ATRNL1: variants seen among roughly 807,000 people sequenced by gnomAD.
The protein encoded by ATRNL1 is attractin-like protein 1.
A neutral mutation model predicts 182.7 loss-of-function variants in ATRNL1; 95 were observed. The observed-to-expected ratio is 0.52, with a 90% CI of 0.44 to 0.62. ATRNL1 has a LOEUF of 0.62. Ranked by LOEUF, ATRNL1 falls within the 20% of genes least tolerant of loss-of-function variation. The pLI is 0.00. For synonymous variants in ATRNL1, 576 were observed against 568.3 expected (o/e 1.01, Z -0.19); for missense variants, 1,471 against 1,679.5 (o/e 0.88, Z 2.17).
intron 21 of ATRNL1, among the ~76,000 whole-genome samples, chr10:115,442,303 C>CTCTCTCTCTCTCTCTCTCTGTGTGTG (rs782157017): frequency 8.1e-6 from 1 of 123,766 alleles, no homozygotes. Flanking sequence ...CTCTCTCTCT[C>CTCTCTCTCTCTCTCTCTCTGTGTGTG]TGTGTGTATG....
At chr10:115,348,334 T>C (rs1250876704) in intron 19 of ATRNL1, among the ~76,000 whole-genome samples, 10 of 152,168 alleles carry the variant, frequency 6.6e-5, no homozygotes, top group African/African-American at 2.4e-4. Context: ...TAATTTATGT[T>C]GTAATGGTAA....
intron 18 of ATRNL1, among the ~76,000 whole-genome samples, chr10:115,322,101 G>C (rs1195362114): frequency 6.6e-6 from 1 of 151,906 alleles, no homozygotes; most frequent in Non-Finnish European, 1.5e-5. Flanking sequence ...ATTTTAACTT[G>C]TTAAAATATT....
At chr10:115,815,880 C>T (rs1950152978) in intron 27 of ATRNL1, among the ~76,000 whole-genome samples, 1 of 152,076 alleles carries the variant, frequency 6.6e-6, no homozygotes, top group African/African-American at 2.4e-5. Context: ...TTAAAAATCA[C>T]ATTATAGCCT....
intron 20 of ATRNL1, among the ~76,000 whole-genome samples, chr10:115,418,069 A>G (rs1461440492): frequency 6.6e-6 from 1 of 152,202 alleles, no homozygotes; most frequent in African/African-American, 2.4e-5. Context: ...AACAGACAAA[A>G]TAAGGTGCCA....
At chr10:115,537,145 G>A (rs1436219932) in intron 25 of ATRNL1, among the ~76,000 whole-genome samples, 1 of 152,184 alleles carries the variant, frequency 6.6e-6, no homozygotes, top group Non-Finnish European at 1.5e-5. Context: ...AACTGTTCTT[G>A]TAAACCAAAA....
intron 28 of ATRNL1, among the ~76,000 whole-genome samples, chr10:115,893,000 A>G (rs1381926036): frequency 6.6e-6 from 1 of 152,216 alleles, no homozygotes; most frequent in Non-Finnish European, 1.5e-5. Flanking sequence ...CATATATGTC[A>G]TGGAAACCTA....
chr10:115,566,523 A>C (rs1487601542), intron 26 of ATRNL1, among the ~76,000 whole-genome samples: 1 of 152,154 alleles, frequency 6.6e-6, no homozygotes, highest in Non-Finnish European at 1.5e-5. Context: ...TGTTCTTTGA[A>C]ATGCAAAATC....
At chr10:115,363,091 G>C (rs1184267912) in intron 19 of ATRNL1, among the ~76,000 whole-genome samples, 19 of 143,300 alleles carry the variant, frequency 1.3e-4, no homozygotes, top group Non-Finnish European at 3.1e-5. Flanking sequence ...CTGAGGAATC[G>C]CCACACTGAC....
chr10:115,437,378 C>G (rs10787571), intron 21 of ATRNL1, among the ~76,000 whole-genome samples: 34,089 of 151,824 alleles, frequency 0.22, 4,736 homozygotes, highest in Non-Finnish European at 0.32. Flanking sequence ...TTAAAATAAT[C>G]AGTCTGCTTT....
chr10:115,884,035 G>GT (rs1951887929), intron 28 of ATRNL1, among the ~76,000 whole-genome samples: 2 of 152,222 alleles, frequency 1.3e-5, no homozygotes, highest in South Asian at 4.1e-4. Context: ...ATGGGCTTCT[G>GT]TGGCAACAAT....
chr10:115,268,549 TA>T (rs1851704399), intron 13 of ATRNL1, 105 bp downstream of exon 13: 2 of 766,744 alleles, frequency 2.6e-6, no homozygotes, highest in Non-Finnish European at 4.6e-6. Flanking sequence ...CTTTACACAT[TA>T]AGACATTTAG....
intron 18 of ATRNL1, among the ~76,000 whole-genome samples, chr10:115,323,411 TCC>T (rs1564913724): frequency 0.022 from 1,306 of 58,436 alleles, 33 homozygotes; most frequent in African/African-American, 0.08. Flanking sequence ...CTCCCTCCCC[TCC>T]CCTCCCCTCC....
intron 9 of ATRNL1, among the ~76,000 whole-genome samples, chr10:115,225,436 A>G (rs1554898440): frequency 6.8e-6 from 1 of 147,594 alleles, no homozygotes; most frequent in Non-Finnish European, 1.5e-5. Flanking sequence ...CTTTTATTCA[A>G]CATTGTATTG....
intron 28 of ATRNL1, among the ~76,000 whole-genome samples, chr10:115,863,943 A>G (rs1295075438): frequency 6.6e-6 from 1 of 152,236 alleles, no homozygotes; most frequent in Non-Finnish European, 1.5e-5. Flanking sequence ...GCTAATGGCC[A>G]AAGTTGGAAC....
At chr10:115,299,953 G>A (rs1433304011) in intron 15 of ATRNL1, 81 bp from the exon 16 acceptor site, 1 of 955,078 alleles carries the variant, frequency 1.0e-6, no homozygotes, top group Non-Finnish European at 1.6e-6. Context: ...AATTTTTAAT[G>A]ATAGTGAACT....
At chr10:115,538,755 A>G (rs1852186327) in intron 25 of ATRNL1, among the ~76,000 whole-genome samples, 2 of 152,188 alleles carry the variant, frequency 1.3e-5, no homozygotes, top group African/African-American at 4.8e-5. Context: ...TTGACGTCAT[A>G]TCCAAGGACT....
chr10:115,680,969 GAA>G (rs1946027361), intron 26 of ATRNL1, among the ~76,000 whole-genome samples: 1 of 152,064 alleles, frequency 6.6e-6, no homozygotes, highest in South Asian at 2.1e-4. Context: ...TGTTTCAGGA[GAA>G]ATGATTTATA....
At chr10:115,488,150 C>T (rs868960975) in intron 24 of ATRNL1, among the ~76,000 whole-genome samples, 2 of 152,076 alleles carry the variant, frequency 1.3e-5, no homozygotes, top group African/African-American at 4.8e-5. Context: ...ATTTTTGCAT[C>T]GATGTTCATC....
chr10:115,632,681 T>A (rs2133834730), intron 26 of ATRNL1, among the ~76,000 whole-genome samples: 1 of 152,256 alleles, frequency 6.6e-6, no homozygotes, highest in Admixed American at 6.5e-5. Context: ...ATTCGGTGAA[T>A]GAATATGCTG....
Sources: gnomAD v4.1 joint callset for allele counts (sites outside exome capture counted in the v4.1 genomes callset) on GRCh38, gnomAD v4.1.1 for gene constraint, MANE v1.5 for transcripts, NCBI Gene and HGNC (gene_info 2026-07-23, HGNC 2026-07-21) for gene names.